The following COL27A1 variants were observed in gnomAD, a reference collection of about 807,000 sequenced individuals.
COL27A1 encodes collagen alpha-1(XXVII) chain.
In COL27A1, 106 loss-of-function variants were observed where a neutral mutation model predicts 251.3. That is an observed-to-expected ratio of 0.42 (90% CI 0.36 to 0.50). The LOEUF (loss-of-function observed/expected upper bound fraction) is 0.50, where lower values mean the gene tolerates loss of function less well. Among genes scored for constraint, COL27A1 ranks in the 20% least tolerant of loss-of-function variants. The pLI, the probability that COL27A1 is intolerant of heterozygous loss-of-function variation, is 0.00. For missense variants in COL27A1, 2,325 were observed against 2,522.8 expected, an observed-to-expected ratio of 0.92 and a Z score of 1.68; for synonymous variants, 1,000 against 986.3, an observed-to-expected ratio of 1.01 and a Z score of -0.26.
rs200384289 is a variant in COL27A1, at chr9:114,289,268, G to A, written c.4179G>A (p.Pro1393=). 3.5e-5 allele frequency: 56 copies of A among 1,593,852 alleles called. No individual in the cohort carries two copies. Among genetic ancestry groups the A allele is most frequent in the Middle Eastern group, 1.7e-4 (1 of 5,986 alleles). Reference sequence around the variant, plus strand: ...GGCATCCGGGACCCCGGGGGTGGCCGGGACCCAAAGGATCGAAAGGCGCAG... The same window carrying A: ...GGCATCCGGGACCCCGGGGGTGGCCAGGACCCAAAGGATCGAAAGGCGCAG... ...QPGHPGPRGW[P]GPKGSKGAEG... is the part of the protein sequence containing the mutation. Residue 1393 remains proline (P), a synonymous_variant, in exon 45 of 61, where the codon CCG becomes CCA. Coordinates refer to ENST00000356083, the MANE Select transcript of COL27A1 (RefSeq NM_032888.4).
chr9:114,231,045 C>A (rs745338407), intron 14 of COL27A1, 34 bp from the exon 15 acceptor site: 2 of 1,605,020 alleles, frequency 1.2e-6, no homozygotes, highest in Non-Finnish European at 8.5e-7. Context: ...TGGGCCACTG[C>A]TCACAGCACC....
rs144000575 is a variant in COL27A1 at position 114,180,456 on chromosome 9, G to A, written c.1962+2112G>A. Among the ~76,000 whole-genome samples, 11 of 152,210 alleles carry A rather than the reference G, an allele frequency of 7.2e-5. No homozygotes were observed. In the East Asian group the frequency reaches 1.2e-3, roughly 16 times the overall value. ...TCTGGGTGAATGACTCTCCTGACAC[G>A]CTTCTAGGCTCTTTGCCTGCACGCC... On this transcript the variant is annotated intron_variant, in intron 4 of 60. Transcript: ENST00000356083.
intron 44 of COL27A1, 87 bp downstream of exon 44, chr9:114,289,054 T>A: frequency 6.6e-7 from 1 of 1,512,066 alleles, no homozygotes; most frequent in Non-Finnish European, 9.1e-7. Flanking sequence ...CTTTAAAGCT[T>A]AAAGGGACCC....
chr9:114,237,347 C>A (rs978397181), intron 18 of COL27A1, among the ~76,000 whole-genome samples: 6 of 152,218 alleles, frequency 3.9e-5, no homozygotes, highest in Admixed American at 3.9e-4. Flanking sequence ...TATTGAGTGT[C>A]ACTGTGCATC....
intron 14 of COL27A1, among the ~76,000 whole-genome samples, chr9:114,229,986 T>C (rs577036545): frequency 6.6e-6 from 1 of 152,176 alleles, no homozygotes; most frequent in Non-Finnish European, 1.5e-5. Flanking sequence ...TTGTGACAAC[T>C]AAAAATGCCT....
At chr9:114,249,848 C>T (rs949935298) in intron 24 of COL27A1, among the ~76,000 whole-genome samples, 3 of 152,208 alleles carry the variant, frequency 2.0e-5, no homozygotes, top group Non-Finnish European at 4.4e-5. Context: ...ACTCCTGAAC[C>T]ACACAAGGCC....
chr9:114,277,398 G>A (rs62555435), intron 37 of COL27A1, among the ~76,000 whole-genome samples: 15 of 152,212 alleles, frequency 9.9e-5, no homozygotes, highest in Admixed American at 3.9e-4. Flanking sequence ...TCCCTCAAGC[G>A]GAGAGACTGA....
At chr9:114,292,760 T>A (rs1828011181) in intron 49 of COL27A1, among the ~76,000 whole-genome samples, 2 of 152,186 alleles carry the variant, frequency 1.3e-5, no homozygotes, top group South Asian at 4.1e-4. Context: ...GAAAAAGACA[T>A]ACTGTGCTAA....
chr9:114,242,056 G>A (rs1832797297), intron 21 of COL27A1, 131 bp from the exon 22 acceptor site: 2 of 725,086 alleles, frequency 2.8e-6, no homozygotes, highest in Non-Finnish European at 4.2e-6. Flanking sequence ...GGTGGGCCAG[G>A]CGTGCTGTTT....
intron 5 of COL27A1, 106 bp from the exon 6 acceptor site, chr9:114,194,298 G>A: frequency 1.9e-6 from 2 of 1,044,642 alleles, no homozygotes; most frequent in East Asian, 4.8e-5. Context: ...GAGGATGGAT[G>A]GGAAGGCATT....
intron 3 of COL27A1, among the ~76,000 whole-genome samples, chr9:114,175,573 G>A (rs749586300): frequency 7.9e-5 from 12 of 152,204 alleles, no homozygotes; most frequent in African/African-American, 9.6e-5. Context: ...GGGCCGCCCC[G>A]TCAAGGAGTC....
At chr9:114,205,936 A>T (rs1376162514) in intron 9 of COL27A1, 124 bp downstream of exon 9, 1 of 848,574 alleles carries the variant, frequency 1.2e-6, no homozygotes, top group African/African-American at 1.7e-5. Flanking sequence ...GTGGACCCTA[A>T]GGAGGGGGCT....
At chr9:114,166,398 C>CCATCCACCCAT (rs1347413059) in intron 2 of COL27A1, among the ~76,000 whole-genome samples, 1 of 144,504 alleles carries the variant, frequency 6.9e-6, no homozygotes, top group South Asian at 2.2e-4. Context: ...CATCCATCCA[C>CCATCCACCCAT]CCACCCACCT....
chr9:114,183,176 CT>C, intron 5 of COL27A1, 101 bp downstream of exon 5: 2 of 1,088,652 alleles, frequency 1.8e-6, no homozygotes, highest in South Asian at 2.6e-5. Context: ...TTCAGGGGAA[CT>C]GAGGGGGATT....
Position 114,183,059 on chromosome 9 carries a change from G to C in COL27A1, c.2000G>C (p.Gly667Ala), listed in dbSNP as rs745458847. ...CCTTATGGAAATCCAGGTCTCCCCG[G>C]CCCTCCTGGAGCCAAAGTGAGTATT... ...PGPYGNPGLP[G>A]PPGAKGQKGD... The change falls in exon 5 of 61, where the codon GGC becomes GCC. Residue 667 changes from glycine (G) to alanine (A), a missense_variant. Coordinates refer to ENST00000356083, the MANE Select transcript of COL27A1 (RefSeq NM_032888.4). The C allele has an allele frequency of 2.2e-5, 35 of 1,613,270 alleles. No homozygotes were observed. The highest frequency in any genetic ancestry group is 2.9e-5 in the Non-Finnish European group (34 of 1,179,928).
rs1848078339 is a variant in COL27A1 at position 114,155,750 on chromosome 9, C to A, written c.-201C>A. The A allele has an allele frequency of 6.2e-6, 1 of 162,310 alleles. No homozygotes were observed. Among genetic ancestry groups the A allele is most frequent in the Non-Finnish European group, 1.3e-5 (1 of 78,588 alleles). The allele number at this position is 162,310 out of a possible 1,614,324, so 10.1% of individuals were successfully genotyped here. A position where few individuals can be genotyped will look rare whatever the true frequency, so the allele number is the denominator to read the frequency against. On this transcript the variant is annotated 5_prime_UTR_variant, in exon 1 of 61. Transcript: ENST00000356083. The surrounding 1 kb of genome is among the most constrained non-coding windows in gnomAD (Gnocchi z 5.5). ...GAGCGCGGCGCCCGGACTCCTGGGA[C>A]CATGGGCCTGGCGCGGGCGCCCGCG...
intron 3 of COL27A1, 115 bp downstream of exon 3, chr9:114,169,578 G>A: frequency 1.2e-6 from 1 of 812,078 alleles, no homozygotes; most frequent in Non-Finnish European, 1.9e-6. Flanking sequence ...GCAGGGAGCT[G>A]GTTATGGGTA....
intron 37 of COL27A1, among the ~76,000 whole-genome samples, chr9:114,280,624 A>G (rs1021813744): frequency 1.3e-5 from 2 of 152,248 alleles, no homozygotes; most frequent in Non-Finnish European, 2.9e-5. Context: ...GGCTAGTCCC[A>G]TACTAGAGGT....
Position 114,290,150 on chromosome 9 carries a change from G to GGCCCCCCCCCCCA in COL27A1, c.4260+39_4260+40insGCCCCCCCCCCCA. 1 of 1,593,548 alleles carries GGCCCCCCCCCCCA rather than the reference G, an allele frequency of 6.3e-7. No homozygotes were observed. Among genetic ancestry groups the GGCCCCCCCCCCCA allele is most frequent in the African/African-American group, 1.3e-5 (1 of 74,480 alleles). ...GCTGCTGTTTCCAGCCAACCTCCCT[G>GGCCCCCCCCCCCA]CCCGCCCCCCACACCCGCCCTCCTC... On this transcript the variant is annotated intron_variant, in intron 46 of 60. Coordinates refer to ENST00000356083, the MANE Select transcript of COL27A1 (RefSeq NM_032888.4). This position sits in a 1 kb window ranked among gnomAD's most constrained non-coding sequence, Gnocchi z 4.6.
Sources: allele counts gnomAD v4.1 joint callset (sites outside exome capture counted in the v4.1 genomes callset), GRCh38; gene constraint gnomAD v4.1.1; non-coding constraint Gnocchi (gnomAD v3.1); transcripts MANE v1.5; gene names NCBI Gene and HGNC (gene_info 2026-07-23, HGNC 2026-07-21).